ZCCHC7: variants seen among roughly 807,000 people sequenced by gnomAD.
ZCCHC7 encodes zinc finger CCHC domain-containing protein 7.
A neutral mutation model predicts 52.0 loss-of-function variants in ZCCHC7; 35 were observed. That is an observed-to-expected ratio of 0.67 (90% CI 0.51 to 0.89). The LOEUF (loss-of-function observed/expected upper bound fraction) is 0.89. Among genes scored for constraint, ZCCHC7 ranks in the 40% least tolerant of loss-of-function variants. The pLI is 0.00. For synonymous variants in ZCCHC7, 217 were observed against 221.5 expected (o/e 0.98, Z 0.18); for missense variants, 574 against 649.1 (o/e 0.88, Z 1.26).
chr9:37,191,445 T>G (rs1024337319), intron 2 of ZCCHC7, among the ~76,000 whole-genome samples: 2 of 152,314 alleles, frequency 1.3e-5, no homozygotes, highest in East Asian at 3.9e-4. Context: ...TTTTTTACAC[T>G]GTATTTCTTT....
At chr9:37,287,240 T>C (rs984213874) in intron 2 of ZCCHC7, among the ~76,000 whole-genome samples, 6 of 150,702 alleles carry the variant, frequency 4.0e-5, no homozygotes, top group Admixed American at 2.7e-4. Flanking sequence ...GATTTGAACA[T>C]TCTTTTTGTA....
intron 2 of ZCCHC7, 90 bp downstream of exon 2, chr9:37,127,032 C>T (rs977848398): frequency 4.0e-5 from 58 of 1,445,708 alleles, no homozygotes; most frequent in Non-Finnish European, 4.8e-5. Flanking sequence ...GGGTCTACTC[C>T]GTTTAATTCC....
At chr9:37,163,204 AC>A (rs1564150821) in intron 2 of ZCCHC7, among the ~76,000 whole-genome samples, 7 of 151,564 alleles carry the variant, frequency 4.6e-5, no homozygotes, top group African/African-American at 1.7e-4. Context: ...TGTCTCAAAA[AC>A]AAACAAACAA....
At chr9:37,350,224 G>C (rs1459358105) in intron 7 of ZCCHC7, among the ~76,000 whole-genome samples, 6 of 150,978 alleles carry the variant, frequency 4.0e-5, no homozygotes, top group Admixed American at 1.3e-4. Flanking sequence ...CACCTCCTGG[G>C]TTCAAGCAAT....
At chr9:37,322,212 A>G (rs1310057426) in intron 5 of ZCCHC7, 1 of 152,106 alleles carries the variant, frequency 6.6e-6, no homozygotes, top group African/African-American at 2.4e-5. Context: ...AATTATAGGG[A>G]TCTACATCTA....
chr9:37,235,330 C>A (rs1172161974), intron 2 of ZCCHC7, among the ~76,000 whole-genome samples: 1 of 151,988 alleles, frequency 6.6e-6, no homozygotes, highest in Non-Finnish European at 1.5e-5. Flanking sequence ...TTTTAAACTC[C>A]GTATATGGGA....
At chr9:37,121,152 C>T (rs1025687791) in intron 1 of ZCCHC7, among the ~76,000 whole-genome samples, 13 of 152,284 alleles carry the variant, frequency 8.5e-5, no homozygotes, top group Middle Eastern at 3.4e-3. Context: ...CGCCCTTTAT[C>T]CCTCCCATCC....
chr9:37,174,031 G>C (rs1821881707), intron 2 of ZCCHC7, among the ~76,000 whole-genome samples: 1 of 152,160 alleles, frequency 6.6e-6, no homozygotes, highest in Non-Finnish European at 1.5e-5. Context: ...GATGAGTTAG[G>C]CTGGGTGTGG....
intron 6 of ZCCHC7, among the ~76,000 whole-genome samples, chr9:37,337,334 G>A (rs915692316): frequency 2.5e-4 from 38 of 151,270 alleles, no homozygotes; most frequent in African/African-American, 9.0e-4. Flanking sequence ...CAGCTCGCCT[G>A]GTAATGACTG....
chr9:37,124,603 A>T (rs1014745713), intron 1 of ZCCHC7, among the ~76,000 whole-genome samples: 1 of 152,156 alleles, frequency 6.6e-6, no homozygotes, highest in African/African-American at 2.4e-5. Flanking sequence ...TATAAATGTG[A>T]TGAGTGTTTT....
chr9:37,161,727 A>G (rs768678913), intron 2 of ZCCHC7, among the ~76,000 whole-genome samples: 1 of 152,236 alleles, frequency 6.6e-6, no homozygotes, highest in Non-Finnish European at 1.5e-5. Flanking sequence ...CAGCTATAGT[A>G]TACGGAATAT....
chr9:37,304,842 AC>A (rs1436024641), intron 4 of ZCCHC7, among the ~76,000 whole-genome samples: 1 of 151,922 alleles, frequency 6.6e-6, no homozygotes, highest in African/African-American at 2.4e-5. Context: ...AAATCATTTA[AC>A]CCTCTGTGCT....
intron 2 of ZCCHC7, among the ~76,000 whole-genome samples, chr9:37,132,175 G>A (rs971422167): frequency 2.6e-5 from 4 of 151,968 alleles, no homozygotes; most frequent in South Asian, 2.1e-4. Context: ...AAGATGCACC[G>A]AAGGAAGTCA....
chr9:37,127,286 G>C (rs1842583512), intron 2 of ZCCHC7, among the ~76,000 whole-genome samples: 1 of 152,022 alleles, frequency 6.6e-6, no homozygotes, highest in African/African-American at 2.4e-5. Flanking sequence ...TCCACCTCTG[G>C]CATTAGCCCT....
chr9:37,246,673 C>A (rs1022574987), intron 2 of ZCCHC7, among the ~76,000 whole-genome samples: 28 of 151,990 alleles, frequency 1.8e-4, no homozygotes, highest in Non-Finnish European at 4.0e-4. Context: ...TTAACATGTA[C>A]AACATGATGT....
intron 2 of ZCCHC7, among the ~76,000 whole-genome samples, chr9:37,171,167 A>G (rs1233971647): frequency 6.6e-6 from 1 of 152,202 alleles, no homozygotes; most frequent in Non-Finnish European, 1.5e-5. Context: ...ACTTTGTGGG[A>G]AGAAATGTGT....
intron 2 of ZCCHC7, among the ~76,000 whole-genome samples, chr9:37,209,399 C>T (rs1472169): frequency 0.34 from 52,188 of 151,796 alleles, 9,333 homozygotes; most frequent in Middle Eastern, 0.41. Context: ...GTATCGTGCC[C>T]TCTGTTGTGT....
chr9:37,126,323 CTGACTTTTTA>C lies in ZCCHC7; in HGVS notation c.-6_4del. 6.2e-7 allele frequency: 1 copy of C among 1,603,992 alleles called. No individual in the cohort carries two copies. Among genetic ancestry groups the C allele is most frequent in the Non-Finnish European group, 8.5e-7 (1 of 1,175,326 alleles). On this transcript the variant is annotated start_lost and 5_prime_UTR_variant, in exon 2 of 9. Transcript: ENST00000336755. ...TTTCTCTTTTGCAGCTTCAAGGTTA[CTGACTTTTTA>C]TGATGTTTGGTGGCTATGAGACTAT...
Position 37,306,458 on chromosome 9 carries a change from A to T in ZCCHC7, c.951+744A>T, listed in dbSNP as rs528567168. Among the ~76,000 whole-genome samples the T allele has an allele frequency of 7.2e-3, 1,083 of 149,468 alleles. 11 individuals carry two copies. Among genetic ancestry groups the T allele is most frequent in the African/African-American group, 0.025 (1,005 of 40,692 alleles). Reference sequence around the variant, plus strand: ...AGCCTATTTTGATGCTTCTTTTTTTATTTTTATTTTATTTATTTATTTTTT... The same window carrying T: ...AGCCTATTTTGATGCTTCTTTTTTTTTTTTTATTTTATTTATTTATTTTTT... On this transcript the variant is annotated intron_variant, in intron 5 of 8. Coordinates refer to ENST00000336755, the MANE Select transcript of ZCCHC7 (RefSeq NM_032226.3).
Sources: gnomAD v4.1 joint callset for allele counts (sites outside exome capture counted in the v4.1 genomes callset) on GRCh38, gnomAD v4.1.1 for gene constraint, MANE v1.5 for transcripts, NCBI Gene and HGNC (gene_info 2026-07-23, HGNC 2026-07-21) for gene names.